Variants in TBC1D32 observed in about 807,000 individuals in gnomAD.
The protein encoded by TBC1D32 is protein broad-minded.
A neutral mutation model predicts 170.3 loss-of-function variants in TBC1D32; 151 were observed. The ratio of observed to expected loss-of-function variants is 0.89; its 90% CI spans 0.78 to 1.01. The LOEUF (loss-of-function observed/expected upper bound fraction) is 1.01. Ranked by LOEUF, TBC1D32 falls within the 50% of genes least tolerant of loss-of-function variation. The probability of loss-of-function intolerance (pLI) is 0.00; values close to 1 mark genes in which losing one functional copy is unlikely to be tolerated. For missense variants in TBC1D32, 1,464 were observed against 1,457.1 expected, an observed-to-expected ratio of 1.00 and a Z score of -0.08; for synonymous variants, 498 against 488.0, an observed-to-expected ratio of 1.02 and a Z score of -0.27.
Position 121,281,585 on chromosome 6 carries a change from T to C in TBC1D32, c.1567A>G (p.Thr523Ala), listed in dbSNP as rs1179102070. Residue 523 changes from threonine (T) to alanine (A), a missense_variant, in exon 14 of 32, where the codon ACA becomes GCA. Coordinates refer to ENST00000398212, the MANE Select transcript of TBC1D32 (RefSeq NM_152730.6). The part of the protein sequence containing the change: ...ECLYNNIVIE[T>A]LLQPIHNLMK... ...AAATTGTGAATAGGCTGAAGAAGTG[T>C]CTCTATTACAATGTTGTTATATAAG... 1.2e-6 allele frequency: 2 copies of C among 1,606,364 alleles called. No individual in the cohort carries two copies. Among genetic ancestry groups the C allele is most frequent in the African/African-American group, 2.7e-5 (2 of 74,542 alleles).
chr6:121,243,992 A>G lies in TBC1D32; in HGVS notation c.2019-1653T>C, dbSNP rs368149056. ...CCCCTTCCACTTACTTTCCTCTACT[A>G]TAAAGGCAAACGAGGGAGTAAGAGA... On this transcript the variant is annotated intron_variant, in intron 17 of 31. Coordinates refer to ENST00000398212, the MANE Select transcript of TBC1D32 (RefSeq NM_152730.6). 2.6e-5 allele frequency among the ~76,000 whole-genome samples: 4 copies of G among 152,062 alleles called. No homozygotes were observed. The East Asian group carries it at 7.7e-4, about 29-fold the overall frequency.
At chr6:121,250,602 T>A (rs1798163817) in intron 17 of TBC1D32, among the ~76,000 whole-genome samples, 1 of 152,062 alleles carries the variant, frequency 6.6e-6, no homozygotes, top group Non-Finnish European at 1.5e-5. Context: ...TAATAAGAGC[T>A]ATGTATGATA....
intron 15 of TBC1D32, among the ~76,000 whole-genome samples, chr6:121,265,519 C>G (rs138978982): frequency 0.052 from 7,821 of 151,486 alleles, 230 homozygotes; most frequent in African/African-American, 0.079. Context: ...CTATTCCCAT[C>G]AAACTACCAT....
At chr6:121,086,602 T>C (rs1235714148) in intron 31 of TBC1D32, among the ~76,000 whole-genome samples, 1 of 152,160 alleles carries the variant, frequency 6.6e-6, no homozygotes, top group Non-Finnish European at 1.5e-5. Context: ...AATTATAAAT[T>C]GATTTTGTTA....
chr6:121,320,372 C>T (rs1809550630), intron 2 of TBC1D32, among the ~76,000 whole-genome samples: 1 of 151,928 alleles, frequency 6.6e-6, no homozygotes, highest in Non-Finnish European at 1.5e-5. Context: ...AACTGAAACA[C>T]AGGAAAATCA....
At chr6:121,231,316 CATTG>C (rs1795707798) in intron 20 of TBC1D32, among the ~76,000 whole-genome samples, 5 of 152,110 alleles carry the variant, frequency 3.3e-5, no homozygotes, top group Admixed American at 3.3e-4. Context: ...TTTCTTTACT[CATTG>C]ATTGATGTGC....
intron 22 of TBC1D32, among the ~76,000 whole-genome samples, chr6:121,202,914 GATAA>G (rs922330524): frequency 6.6e-5 from 10 of 151,376 alleles, no homozygotes; most frequent in African/African-American, 2.0e-4. Context: ...TGAGTGTTGT[GATAA>G]ATAAGTTGTA....
At chr6:121,235,436 G>A (rs1265168885) in intron 20 of TBC1D32, among the ~76,000 whole-genome samples, 1 of 152,162 alleles carries the variant, frequency 6.6e-6, no homozygotes, top group Non-Finnish European at 1.5e-5. Context: ...CTGCTGTGGG[G>A]GATGGGTGAG....
At chr6:121,213,468 AT>A (rs3076857) in intron 21 of TBC1D32, among the ~76,000 whole-genome samples, 191 of 7,254 alleles carry the variant, frequency 0.026, 2 homozygotes, top group African/African-American at 0.033. Context: ...AAAAATAATA[AT>A]AAAATAAAAT....
At chr6:121,084,306 T>C (rs1336937327) in intron 31 of TBC1D32, among the ~76,000 whole-genome samples, 1 of 152,110 alleles carries the variant, frequency 6.6e-6, no homozygotes, top group South Asian at 2.1e-4. Context: ...GGTTAATAAG[T>C]CCATGAGTGA....
At chr6:121,287,382 A>C (rs1396485166) in intron 12 of TBC1D32, among the ~76,000 whole-genome samples, 1 of 152,208 alleles carries the variant, frequency 6.6e-6, no homozygotes, top group East Asian at 1.9e-4. Context: ...ACTTTAAACC[A>C]ACAAAGATTA....
At chr6:121,128,695 A>G (rs1175515004) in intron 25 of TBC1D32, among the ~76,000 whole-genome samples, 2 of 152,190 alleles carry the variant, frequency 1.3e-5, no homozygotes, top group South Asian at 4.1e-4. Context: ...AAAATTTATA[A>G]TATTTATATA....
intron 26 of TBC1D32, among the ~76,000 whole-genome samples, chr6:121,118,219 T>C (rs1279341430): frequency 6.6e-6 from 1 of 152,134 alleles, no homozygotes; most frequent in Non-Finnish European, 1.5e-5. Context: ...ATTTTCTGTA[T>C]ATTAAAATCA....
intron 24 of TBC1D32, among the ~76,000 whole-genome samples, chr6:121,140,534 T>C (rs1782659092): frequency 1.3e-5 from 2 of 152,064 alleles, no homozygotes; most frequent in Admixed American, 1.3e-4. Context: ...TACTCTTTTA[T>C]ATAGTATTTG....
At chr6:121,092,172 T>C (rs73766692) in intron 30 of TBC1D32, among the ~76,000 whole-genome samples, 4,910 of 152,184 alleles carry the variant, frequency 0.032, 270 homozygotes, top group African/African-American at 0.11. Context: ...TTTGTTACTA[T>C]AGTCATAAGA....
intron 15 of TBC1D32, among the ~76,000 whole-genome samples, chr6:121,269,074 T>C (rs182217056): frequency 0.094 from 14,234 of 152,094 alleles, 1,159 homozygotes; most frequent in African/African-American, 0.22. Flanking sequence ...AGAGATTTTG[T>C]CACCACCAGG....
chr6:121,123,124 A>G (rs1055262368), intron 26 of TBC1D32, among the ~76,000 whole-genome samples: 3 of 152,070 alleles, frequency 2.0e-5, no homozygotes, highest in Non-Finnish European at 4.4e-5. Flanking sequence ...ATCTTAATGG[A>G]AGAGCTTTCT....
intron 26 of TBC1D32, among the ~76,000 whole-genome samples, chr6:121,115,988 C>T (rs905173547): frequency 1.3e-5 from 2 of 152,106 alleles, no homozygotes; most frequent in African/African-American, 4.8e-5. Flanking sequence ...CCCTCAAAGG[C>T]ACAACTAAAT....
chr6:121,181,995 T>C (rs1336198202), intron 22 of TBC1D32, among the ~76,000 whole-genome samples: 2 of 152,116 alleles, frequency 1.3e-5, no homozygotes, highest in Non-Finnish European at 2.9e-5. Context: ...ATTGTATACA[T>C]GGATCAAAAT....
Sources: gnomAD v4.1 joint callset for allele counts (sites outside exome capture counted in the v4.1 genomes callset) on GRCh38, gnomAD v4.1.1 for gene constraint, MANE v1.5 for transcripts, NCBI Gene and HGNC (gene_info 2026-07-23, HGNC 2026-07-21) for gene names.